The following ZFP62 variants were observed in gnomAD, a reference collection of about 807,000 sequenced individuals.
ZFP62 encodes the protein zinc finger protein 62 homolog.
ZFP62 carries 44 observed loss-of-function variants against 56.4 expected under a neutral mutation model. The ratio of observed to expected loss-of-function variants is 0.78; its 90% CI spans 0.61 to 1.00. ZFP62 has a LOEUF of 1.00. Among genes scored for constraint, ZFP62 ranks in the 50% least tolerant of loss-of-function variants. The pLI, the probability that ZFP62 is intolerant of heterozygous loss-of-function variation, is 0.00. For missense variants in ZFP62, 1,030 were observed against 1,085.7 expected, an observed-to-expected ratio of 0.95 and a Z score of 0.72; for synonymous variants, 421 against 388.9, an observed-to-expected ratio of 1.08 and a Z score of -0.97.
At chr5:180,855,526 C>T (rs923768599) in intron 1 of ZFP62, among the ~76,000 whole-genome samples, 8 of 152,142 alleles carry the variant, frequency 5.3e-5, no homozygotes, top group African/African-American at 1.9e-4. Flanking sequence ...CCTGGCTCCA[C>T]ATATTCCCCT....
chr5:180,848,083 C>CT lies in ZFP62; in HGVS notation c.*708dup. On this transcript the variant is annotated 3_prime_UTR_variant, in exon 2 of 2. Transcript: ENST00000502412. ...ATTCATTATGGGAGTTCATCTGAAACTTTAAAAAAGTTTCATCCATTCAAC... is the reference window on the plus strand; with the variant it reads ...ATTCATTATGGGAGTTCATCTGAAACTTTTAAAAAAGTTTCATCCATTCAAC... The CT allele has an allele frequency of 2.0e-6, 2 of 982,962 alleles. No individual in the cohort carries two copies. The highest frequency in any genetic ancestry group is 1.1e-4 in the East Asian group (1 of 8,812). The allele number at this position is 982,962 out of a possible 1,614,324, so 60.9% of individuals were successfully genotyped here.
chr5:180,834,296 T>A, the ZFP62 span: 1 of 152,312 alleles, frequency 6.6e-6, no homozygotes, highest in Non-Finnish European at 1.5e-5. Context: ...TGATGGGGCC[T>A]TGTTCTGTTG....
chr5:180,849,925 T>G lies in ZFP62; in HGVS notation c.1570A>C (p.Lys524Gln), dbSNP rs1007502032. 1.4e-5 allele frequency: 21 copies of G among 1,551,728 alleles called. No homozygotes were observed. The highest frequency in any genetic ancestry group is 1.8e-5 in the Non-Finnish European group (21 of 1,147,010). The change falls in exon 2 of 2, where the codon AAA becomes CAA. Residue 524 changes from lysine to glutamine, a missense_variant. By Grantham distance (53) the Lys-to-Gln change is moderately conservative. Coordinates refer to ENST00000502412, the MANE Select transcript of ZFP62 (RefSeq NM_001172638.2). ...GGTTTTTCCCTGGTATGAATCCTTT[T>G]ATGCTGTTCAAGGGCAGAGCTGTAG... ...FNYSSALEQH[K>Q]RIHTREKPFG...
chr5:180,856,616 G>A (rs1052126538), intron 1 of ZFP62, among the ~76,000 whole-genome samples: 1 of 152,164 alleles, frequency 6.6e-6, no homozygotes, highest in South Asian at 2.1e-4. Context: ...CAAGGTGCCT[G>A]CAGACTAGTA....
chr5:180,855,555 C>A (rs529832787), intron 1 of ZFP62, among the ~76,000 whole-genome samples: 1 of 152,230 alleles, frequency 6.6e-6, no homozygotes, highest in African/African-American at 2.4e-5. Context: ...TCATGGCTCC[C>A]AGCACTCCCA....
At position 180,849,709 on chromosome 5, in the gene ZFP62, T is replaced by G. The variant is rs901758710; in HGVS notation, c.1786A>C (p.Lys596Gln). 6.4e-7 allele frequency: 1 copy of G among 1,551,902 alleles called. No individual in the cohort carries two copies. Among genetic ancestry groups the G allele is most frequent in the Non-Finnish European group, 8.7e-7 (1 of 1,147,078 alleles). ...AGGGTTCGGTATGTGATGAAGGCCT[T>G]CTCACACTCGTCACACTTAAAGGGC... is the stretch of plus-strand genomic sequence containing the variant. ...EKPFKCDECEKAFITYRTLTN... is the reference protein window; with the variant it reads ...EKPFKCDECEQAFITYRTLTN... Residue 596 changes from lysine to glutamine, a missense_variant, in exon 2 of 2, where the codon AAG becomes CAG. Lys to Gln is a moderately conservative substitution (Grantham distance 53, BLOSUM62 1). Coordinates refer to ENST00000502412, the MANE Select transcript of ZFP62 (RefSeq NM_001172638.2).
rs372487710 is a variant in ZFP62, at chr5:180,847,988, C to T, written c.*804G>A. 64 of 985,422 alleles carry T rather than the reference C, an allele frequency of 6.5e-5. No individual in the cohort carries two copies. The South Asian group carries it at 1.2e-3, about 19-fold the overall frequency. The allele number at this position is 985,422 out of a possible 1,614,324, so 61.0% of individuals were successfully genotyped here. ...ACTGAATGTGTCAAAATCCTCTCCA[C>T]GGTAGAACCTTTTATTGTAGCATAA... is the stretch of plus-strand genomic sequence containing the variant. On this transcript the variant is annotated 3_prime_UTR_variant, in exon 2 of 2. Transcript: ENST00000502412.
downstream of ZFP62, chr5:180,845,651 A>G (rs1773396852): frequency 1.1e-6 from 1 of 935,596 alleles, no homozygotes; most frequent in Non-Finnish European, 1.3e-6. Context: ...TGGAGAAGAG[A>G]AATGAAGGGT....
intron 1 of ZFP62, among the ~76,000 whole-genome samples, chr5:180,854,365 CAG>C (rs769869142): frequency 5.9e-5 from 9 of 152,258 alleles, no homozygotes; most frequent in Admixed American, 1.3e-4. Flanking sequence ...CAGGTACAAA[CAG>C]GGGAGAAAGG....
chr5:180,848,875 CCA>C lies in ZFP62; in HGVS notation c.2618_2619del (p.Val873GlyfsTer4). ...TGEESLNVIY[V>X]GSYSGTSQKR... ...TTCTGGGATGTGCCACTATAACTTCCCACATATATCACATTTAAAGATTCCTC... is the reference window on the plus strand; with the variant it reads ...TTCTGGGATGTGCCACTATAACTTCCCATATATCACATTTAAAGATTCCTC... On this transcript the variant is annotated frameshift_variant, in exon 2 of 2. Transcript: ENST00000502412. LOFTEE classifies it high-confidence loss of function. 6.4e-7 allele frequency: 1 copy of C among 1,551,668 alleles called. No homozygotes were observed. Among genetic ancestry groups the C allele is most frequent in the Non-Finnish European group, 8.7e-7 (1 of 1,146,944 alleles).
At chr5:180,859,343 C>T (rs1774180384) in intron 1 of ZFP62, among the ~76,000 whole-genome samples, 1 of 152,130 alleles carries the variant, frequency 6.6e-6, no homozygotes, top group Non-Finnish European at 1.5e-5. Context: ...CAACCCAGAA[C>T]AAAGAGTACC....
rs949374798 is a variant in ZFP62, at chr5:180,851,044, T to G, written c.451A>C (p.Lys151Gln). 4 of 1,551,642 alleles carry G rather than the reference T, an allele frequency of 2.6e-6. No homozygotes were observed. The African/African-American group carries it at 5.5e-5, about 21-fold the overall frequency. The change falls in exon 2 of 2, where the codon AAA becomes CAA. Residue 151 changes from lysine (K) to glutamine (Q), a missense_variant. Lys to Gln is a moderately conservative substitution (Grantham distance 53). Transcript: ENST00000502412. The stretch of plus-strand genomic sequence containing the variant: ...TGTTGAACAAGGCGGGAATTATATT[T>G]GAAGGATTTCCCACATTCATCACAT... Reference protein sequence around the residue: ...HKCDECGKSFKYNSRLVQHKI... With the variant: ...HKCDECGKSFQYNSRLVQHKI...
intron 1 of ZFP62, among the ~76,000 whole-genome samples, chr5:180,860,181 T>A (rs1427649670): frequency 2.0e-5 from 3 of 152,206 alleles, no homozygotes; most frequent in Non-Finnish European, 2.9e-5. Context: ...ACTAGTTATA[T>A]TTGCCAGTAT....
the ZFP62 span, among the ~76,000 whole-genome samples, chr5:180,828,937 G>A: frequency 2.0e-5 from 3 of 152,308 alleles, no homozygotes; most frequent in Admixed American, 6.5e-5. Flanking sequence ...TGGCTGCTCT[G>A]GGAGTGTCTG....
At position 180,859,392 on chromosome 5, in the gene ZFP62, G is replaced by A. The variant is rs983254382; in HGVS notation, c.1+1827C>T. ...ATGTACAAAGGAAAGATGGGACTAA[G>A]GAACAGAGAAGTGATATGCAGATGA... is the stretch of plus-strand genomic sequence containing the variant. On this transcript the variant is annotated intron_variant, in intron 1 of 1. Transcript: ENST00000502412. Among the ~76,000 whole-genome samples, 3 of 152,212 alleles carry A rather than the reference G, an allele frequency of 2.0e-5. 1 individual carries two copies. Among genetic ancestry groups the A allele is most frequent in the African/African-American group, 7.2e-5 (3 of 41,458 alleles).
chr5:180,843,097 G>A (rs568665207), downstream of ZFP62, among the ~76,000 whole-genome samples: 67 of 149,816 alleles, frequency 4.5e-4, no homozygotes, highest in African/African-American at 1.5e-3. Context: ...TTAAACGTTT[G>A]GTATAGAAAA....
chr5:180,830,709 T>C, the ZFP62 span: 3 of 152,374 alleles, frequency 2.0e-5, no homozygotes, highest in Non-Finnish European at 4.4e-5. Context: ...GAATACTACC[T>C]TCCAGCTGTC....
chr5:180,848,203 T>C lies in ZFP62; in HGVS notation c.*589A>G, dbSNP rs1053225072. 5.1e-6 allele frequency: 5 copies of C among 985,494 alleles called. No homozygotes were observed. The African/African-American group carries it at 8.7e-5, about 17-fold the overall frequency. 61.0% of individuals were successfully genotyped at this position (985,494 alleles called of 1,614,324 possible). The stretch of plus-strand genomic sequence containing the variant: ...ACTTGTAAGTCTATGCTTTCTACTT[T>C]TCCTAAAAGGAAATCCAAATTTTGT... On this transcript the variant is annotated 3_prime_UTR_variant, in exon 2 of 2. Transcript: ENST00000502412.
chr5:180,833,963 C>G, the ZFP62 span, among the ~76,000 whole-genome samples: 1 of 152,142 alleles, frequency 6.6e-6, no homozygotes, highest in East Asian at 1.9e-4. Flanking sequence ...GCCACTGCGC[C>G]CAGCTGGCAT....
Sources: allele counts gnomAD v4.1 joint callset (sites outside exome capture counted in the v4.1 genomes callset), GRCh38; gene constraint gnomAD v4.1.1; transcripts MANE v1.5; gene names NCBI Gene and HGNC (gene_info 2026-07-23, HGNC 2026-07-21).